The following KRAS variants were observed in gnomAD, a reference collection of about 807,000 sequenced individuals.
The protein encoded by KRAS is KRas proto-oncogene, GTPase, also known as GTPase KRas.
In KRAS, 1 loss-of-function variant was observed where a neutral mutation model predicts 21.0. That is an observed-to-expected ratio of 0.05 (90% CI 0.02 to 0.23). The LOEUF (loss-of-function observed/expected upper bound fraction) is 0.23. Ranked by LOEUF, KRAS falls within the 10% of genes least tolerant of loss-of-function variation. KRAS has a pLI of 1.00. For missense variants in KRAS, 107 were observed against 221.8 expected (o/e 0.48, Z 3.29); for synonymous variants, 67 against 72.5 (o/e 0.92, Z 0.39).
intron 2 of KRAS, chr12:25,234,132 A>T (rs1951513716): frequency 5.8e-6 from 1 of 171,372 alleles, no homozygotes; most frequent in Non-Finnish European, 1.3e-5. Flanking sequence ...GTTAATTTTT[A>T]AATTACAATA....
intron 2 of KRAS, among the ~76,000 whole-genome samples, chr12:25,245,037 C>T (rs1951660544): frequency 6.6e-6 from 1 of 152,178 alleles, no homozygotes; most frequent in Non-Finnish European, 1.5e-5. Context: ...CTCTGAAATA[C>T]ACTTCCAATC....
intron 4 of KRAS, among the ~76,000 whole-genome samples, chr12:25,219,658 CTG>C (rs1198426894): frequency 6.6e-6 from 1 of 152,224 alleles, no homozygotes; most frequent in Non-Finnish European, 1.5e-5. Flanking sequence ...TAAAACCCAA[CTG>C]TGCATCCCTC....
chr12:25,213,070 T>C (rs1233352077), intron 4 of KRAS, among the ~76,000 whole-genome samples: 1 of 152,092 alleles, frequency 6.6e-6, no homozygotes, highest in Admixed American at 6.5e-5. Context: ...GCTTGTCAAA[T>C]AAATTTTTTT....
At chr12:25,242,276 A>G (rs1951619335) in intron 2 of KRAS, among the ~76,000 whole-genome samples, 1 of 152,204 alleles carries the variant, frequency 6.6e-6, no homozygotes, top group South Asian at 2.1e-4. Context: ...CTAGCATATT[A>G]TATACAGTAG....
intron 2 of KRAS, among the ~76,000 whole-genome samples, chr12:25,233,107 C>T (rs1951495905): frequency 6.6e-6 from 1 of 152,218 alleles, no homozygotes; most frequent in East Asian, 1.9e-4. Context: ...ATCCTACATC[C>T]AACCACCTAC....
At position 25,208,944 on chromosome 12, in the gene KRAS, G is replaced by T; in HGVS notation, c.*851C>A. ...TACTATGAAAGAGCAGTCTGACACAGGGAGACTACATTTAATTCCTATGAG... is the reference window on the plus strand; with the variant it reads ...TACTATGAAAGAGCAGTCTGACACATGGAGACTACATTTAATTCCTATGAG... On this transcript the variant is annotated 3_prime_UTR_variant, in exon 5 of 5. Coordinates refer to ENST00000311936, the MANE Select transcript of KRAS (RefSeq NM_004985.5). 3 of 300,484 alleles carry T rather than the reference G, an allele frequency of 1.0e-5. No individual in the cohort carries two copies. Among genetic ancestry groups the T allele is most frequent in the Non-Finnish European group, 1.8e-5 (3 of 163,756 alleles). 18.6% of individuals were successfully genotyped at this position (300,484 alleles called of 1,614,324 possible).
intron 4 of KRAS, chr12:25,215,485 TTTC>T: frequency 1.2e-6 from 2 of 1,612,086 alleles, no homozygotes; most frequent in African/African-American, 1.3e-5. Flanking sequence ...CCAGGAGTCT[TTTC>T]TTCTTTGCTG....
intron 4 of KRAS, chr12:25,215,562 T>C (rs1196704533): frequency 6.2e-7 from 1 of 1,609,352 alleles, no homozygotes; most frequent in Admixed American, 1.7e-5. Context: ...CTCCACTCTC[T>C]GCATTGTAAA....
chr12:25,214,907 T>C (rs1235522726), intron 4 of KRAS, among the ~76,000 whole-genome samples: 1 of 152,040 alleles, frequency 6.6e-6, no homozygotes, highest in Admixed American at 6.5e-5. Flanking sequence ...AATTCCCAGG[T>C]TTCTCACTGG....
intron 4 of KRAS, among the ~76,000 whole-genome samples, chr12:25,221,303 G>C (rs1225664934): frequency 1.3e-5 from 2 of 151,380 alleles, no homozygotes; most frequent in African/African-American, 2.4e-5. Flanking sequence ...CTTGATCTGG[G>C]CTCACTACAG....
chr12:25,229,323 G>A (rs941837592), intron 2 of KRAS, among the ~76,000 whole-genome samples: 1 of 152,104 alleles, frequency 6.6e-6, no homozygotes, highest in Admixed American at 6.5e-5. Flanking sequence ...TTTATCTATA[G>A]TCAAAGGCAC....
At chr12:25,241,290 G>T (rs1229768527) in intron 2 of KRAS, among the ~76,000 whole-genome samples, 2 of 152,052 alleles carry the variant, frequency 1.3e-5, no homozygotes, top group Admixed American at 1.3e-4. Flanking sequence ...ATAAATTGAT[G>T]CCACCCATAA....
chr12:25,209,365 C>A lies in KRAS; in HGVS notation c.*430G>T. The A allele has an allele frequency of 1.6e-6, 1 of 630,920 alleles. No individual in the cohort carries two copies. Among genetic ancestry groups the A allele is most frequent in the South Asian group, 2.9e-5 (1 of 34,432 alleles). The allele number at this position is 630,920 out of a possible 1,614,324, so 39.1% of individuals were successfully genotyped here. On this transcript the variant is annotated 3_prime_UTR_variant, in exon 5 of 5. Coordinates refer to ENST00000311936, the MANE Select transcript of KRAS (RefSeq NM_004985.5). Reference sequence around the variant, plus strand: ...ATAAATTTGTGTTCCCTCAATGTTTCAGTAAAAACCAATTAGAAGGTCTCA... The same window carrying A: ...ATAAATTTGTGTTCCCTCAATGTTTAAGTAAAAACCAATTAGAAGGTCTCA...
intron 4 of KRAS, chr12:25,225,261 A>G (rs2141504319): frequency 6.8e-6 from 1 of 146,486 alleles, no homozygotes; most frequent in Non-Finnish European, 1.5e-5. Context: ...GAAATAGAAA[A>G]CGCAAAAATT....
intron 1 of KRAS, among the ~76,000 whole-genome samples, chr12:25,250,305 C>G (rs1054052927): frequency 6.6e-6 from 1 of 151,830 alleles, no homozygotes; most frequent in Non-Finnish European, 1.5e-5. Flanking sequence ...CCGAGGCAGC[C>G]GAGTGCTGGA....
chr12:25,233,518 T>C (rs1592813975), intron 2 of KRAS, among the ~76,000 whole-genome samples: 1 of 152,154 alleles, frequency 6.6e-6, no homozygotes, highest in East Asian at 1.9e-4. Context: ...TGAACGAAGG[T>C]AGGTTAGATC....
rs1951135020 is a variant in KRAS, at chr12:25,206,041, T to TA, written c.*3753dup. On this transcript the variant is annotated 3_prime_UTR_variant, in exon 5 of 5. Transcript: ENST00000311936. ...TTTTTGACAAATGGAAATCTTCAGA[T>TA]AGTTTTTGCTGTCTAAAAAAAAATC... 1 of 208,396 alleles carries TA rather than the reference T, an allele frequency of 4.8e-6. No individual in the cohort carries two copies. Among genetic ancestry groups the TA allele is most frequent in the African/African-American group, 2.3e-5 (1 of 44,062 alleles). 12.9% of individuals were successfully genotyped at this position (208,396 alleles called of 1,614,324 possible). A position where few individuals can be genotyped will look rare whatever the true frequency, so the allele number is the denominator to read the frequency against.
chr12:25,243,284 G>C (rs760953414), intron 2 of KRAS, among the ~76,000 whole-genome samples: 2 of 152,104 alleles, frequency 1.3e-5, no homozygotes, highest in African/African-American at 4.8e-5. Flanking sequence ...GAGACTCACT[G>C]TAACTTGGGA....
Position 25,243,608 on chromosome 12 carries a change from T to C in KRAS, c.111+1666A>G, listed in dbSNP as rs976367263. ...TCATATAGCACTCATGACCTCTGAT[T>C]GGAAACAAAGTGTAATGGAATTTCT... On this transcript the variant is annotated intron_variant, in intron 2 of 4. Coordinates refer to ENST00000311936, the MANE Select transcript of KRAS (RefSeq NM_004985.5). Among the ~76,000 whole-genome samples the C allele has an allele frequency of 4.6e-5, 7 of 152,192 alleles. No homozygotes were observed. The South Asian group carries it at 8.3e-4, about 18-fold the overall frequency.
Sources: allele counts gnomAD v4.1 joint callset (sites outside exome capture counted in the v4.1 genomes callset), GRCh38; gene constraint gnomAD v4.1.1; transcripts MANE v1.5; gene names NCBI Gene and HGNC (gene_info 2026-07-23, HGNC 2026-07-21).